MED27: variants seen among roughly 807,000 people sequenced by gnomAD.
The protein encoded by MED27 is mediator of RNA polymerase II transcription subunit 27.
Under a neutral mutation model 38.2 loss-of-function variants are expected in MED27, and 30 were observed. The ratio of observed to expected loss-of-function variants is 0.79; its 90% confidence interval spans 0.59 to 1.07. The LOEUF (loss-of-function observed/expected upper bound fraction) is 1.07. Ranked by LOEUF, MED27 falls within the 50% of genes least tolerant of loss-of-function variation. The pLI is 0.00. For missense variants in MED27, 289 were observed against 397.5 expected, an observed-to-expected ratio of 0.73 and a Z score of 2.32; for synonymous variants, 122 against 153.5, an observed-to-expected ratio of 0.79 and a Z score of 1.52.
chr9:132,052,476 ATC>A (rs1589291049), intron 2 of MED27, among the ~76,000 whole-genome samples: 1 of 152,154 alleles, frequency 6.6e-6, no homozygotes, highest in East Asian at 1.9e-4. Context: ...GGGAAAAAAA[ATC>A]TCTCTGCAGC....
chr9:131,962,671 T>G (rs1831241432), intron 3 of MED27, among the ~76,000 whole-genome samples: 2 of 152,220 alleles, frequency 1.3e-5, no homozygotes, highest in African/African-American at 4.8e-5. Context: ...TGATCTATTT[T>G]CAAACACAGA....
chr9:132,029,244 C>T (rs944515601), intron 2 of MED27, among the ~76,000 whole-genome samples: 1 of 152,148 alleles, frequency 6.6e-6, no homozygotes, highest in Non-Finnish European at 1.5e-5. Flanking sequence ...TACCAAGTTA[C>T]TTGATTAAGC....
At chr9:131,927,174 C>T (rs1369931913) in intron 4 of MED27, among the ~76,000 whole-genome samples, 1 of 152,176 alleles carries the variant, frequency 6.6e-6, no homozygotes, top group Non-Finnish European at 1.5e-5. Context: ...TTTATTAAAT[C>T]ATGAGTTATT....
chr9:131,876,373 T>C (rs1838933437), intron 6 of MED27, among the ~76,000 whole-genome samples: 1 of 152,148 alleles, frequency 6.6e-6, no homozygotes, highest in South Asian at 2.1e-4. Context: ...GCTTTCCTGG[T>C]TCAATTTTAG....
intron 1 of MED27, among the ~76,000 whole-genome samples, chr9:132,079,248 G>T (rs1834120918): frequency 6.6e-6 from 1 of 152,152 alleles, no homozygotes; most frequent in South Asian, 2.1e-4. Context: ...ACTTGGGTTT[G>T]GAGCCGACTG....
intron 4 of MED27, among the ~76,000 whole-genome samples, chr9:131,894,621 TAAAA>T (rs58620636): frequency 6.7e-6 from 1 of 148,522 alleles, no homozygotes; most frequent in East Asian, 2.0e-4. Context: ...TATTATACAT[TAAAA>T]AAAAAAATCC....
At chr9:131,868,943 C>T in intron 6 of MED27, 1 of 985,488 alleles carries the variant, frequency 1.0e-6, no homozygotes, top group Non-Finnish European at 1.2e-6. Flanking sequence ...GAGCCATGCG[C>T]CACAGCCCTG....
chr9:132,041,060 GAGA>G (rs796335001), intron 2 of MED27, among the ~76,000 whole-genome samples: 76 of 152,316 alleles, frequency 5.0e-4, no homozygotes, highest in African/African-American at 1.8e-3. Flanking sequence ...ACGGGCAGCA[GAGA>G]AGAAGAGCAG....
At chr9:132,045,413 TACACACACACACACACACAC>T (rs61360267) in intron 2 of MED27, among the ~76,000 whole-genome samples, 2 of 144,494 alleles carry the variant, frequency 1.4e-5, no homozygotes, top group South Asian at 2.3e-4. Flanking sequence ...AAGAGGAAAT[TACACACACACACACACACAC>T]ACACACACAC....
intron 6 of MED27, among the ~76,000 whole-genome samples, chr9:131,871,504 C>G (rs1838833227): frequency 6.6e-6 from 1 of 152,184 alleles, no homozygotes; most frequent in African/African-American, 2.4e-5. Context: ...GATGGCAATG[C>G]CAGTCACCAG....
chr9:132,030,327 A>G (rs1832929820), intron 2 of MED27, among the ~76,000 whole-genome samples: 1 of 152,206 alleles, frequency 6.6e-6, no homozygotes. Flanking sequence ...TAACACTGCC[A>G]TCACACACCA....
intron 2 of MED27, among the ~76,000 whole-genome samples, chr9:132,054,180 T>C (rs1589292246): frequency 1.3e-5 from 2 of 152,058 alleles, no homozygotes; most frequent in South Asian, 2.1e-4. Context: ...AGGGAGGTGT[T>C]TGGGTGAGCG....
At chr9:132,008,776 C>T (rs1589263212) in intron 3 of MED27, among the ~76,000 whole-genome samples, 3 of 152,350 alleles carry the variant, frequency 2.0e-5, no homozygotes, top group East Asian at 1.9e-4. Flanking sequence ...ACACAAGCCA[C>T]GCAGAAACCT....
intron 3 of MED27, among the ~76,000 whole-genome samples, chr9:132,006,360 A>G (rs1832358440): frequency 6.6e-6 from 1 of 152,218 alleles, no homozygotes; most frequent in African/African-American, 2.4e-5. Flanking sequence ...TACTTTGCTC[A>G]GAGGCAAACT....
intron 4 of MED27, among the ~76,000 whole-genome samples, chr9:131,907,113 C>T (rs1419354986): frequency 6.6e-6 from 1 of 152,168 alleles, no homozygotes; most frequent in Non-Finnish European, 1.5e-5. Context: ...TTCTTTACCA[C>T]AACCTGTTTT....
chr9:131,862,978 T>C lies in MED27; in HGVS notation c.801+85A>G. 2 of 1,187,126 alleles carry C rather than the reference T, an allele frequency of 1.7e-6. No individual in the cohort carries two copies. Among genetic ancestry groups the C allele is most frequent in the Non-Finnish European group, 1.2e-6 (1 of 811,014 alleles). The allele number at this position is 1,187,126 out of a possible 1,614,324, so 73.5% of individuals were successfully genotyped here. On this transcript the variant is annotated intron_variant, in intron 7 of 7. Transcript: ENST00000292035. This position sits in a 1 kb window ranked among gnomAD's most constrained non-coding sequence, Gnocchi z 4.6. ...CTGGGAGGCCCTCAAAGTCTGAAGA[T>C]GCAACGGCTGCCCTTCAAGCTCCCT...
In MED27 at chr9:131,871,634, C is replaced by T. The variant is rs76919417; in HGVS notation, c.724-8494G>A. ...GTCTGATCACAGCACACCGCAGCCT[C>T]GAACTCCTGGGCGCAAGTGATCCTC... is the stretch of plus-strand genomic sequence containing the variant. On this transcript the variant is annotated intron_variant, in intron 6 of 7. Transcript: ENST00000292035. Among the ~76,000 whole-genome samples the T allele has an allele frequency of 6.3e-3, 959 of 152,236 alleles. 3 individuals are homozygous for T. Among genetic ancestry groups the T allele is most frequent in the African/African-American group, 0.019 (800 of 41,536 alleles).
At chr9:131,983,636 ACT>A (rs1831787616) in intron 3 of MED27, among the ~76,000 whole-genome samples, 2 of 152,338 alleles carry the variant, frequency 1.3e-5, no homozygotes, top group Admixed American at 1.3e-4. Flanking sequence ...AATATTTAGC[ACT>A]ATACTTTTGA....
At chr9:131,999,123 G>A (rs895458031) in intron 3 of MED27, among the ~76,000 whole-genome samples, 9 of 152,142 alleles carry the variant, frequency 5.9e-5, no homozygotes, top group African/African-American at 1.9e-4. Flanking sequence ...CCAGCAAATC[G>A]AACTCCCTGT....
Sources: gnomAD v4.1 joint callset for allele counts (sites outside exome capture counted in the v4.1 genomes callset) on GRCh38, gnomAD v4.1.1 for gene constraint, Gnocchi (gnomAD v3.1) non-coding constraint, MANE v1.5 for transcripts, NCBI Gene and HGNC (gene_info 2026-07-23, HGNC 2026-07-21) for gene names.